TTC28: variants seen among roughly 807,000 people sequenced by gnomAD.
TTC28 encodes tetratricopeptide repeat protein 28.
TTC28 carries 61 observed loss-of-function variants against 198.0 expected under a neutral mutation model. That is an observed-to-expected ratio of 0.31 (90% CI 0.25 to 0.38). The LOEUF is 0.38. TTC28 is among the 10% of genes least tolerant of loss of function. The pLI, the probability that TTC28 is intolerant of heterozygous loss-of-function variation, is 1.00. For missense variants in TTC28, 2,678 were observed against 3,164.0 expected (o/e 0.85, Z 3.69); for synonymous variants, 1,171 against 1,297.8 (o/e 0.90, Z 2.10).
At chr22:28,461,677 C>T (rs1420754027) in intron 2 of TTC28, among the ~76,000 whole-genome samples, 1 of 152,170 alleles carries the variant, frequency 6.6e-6, no homozygotes, top group Non-Finnish European at 1.5e-5. Context: ...AATCTGCCCA[C>T]CTTGGCCTCC....
rs540555841 is a variant in TTC28 at position 27,992,005 on chromosome 22, TCCTGGTGGGCTGGCCCCACA to T, written c.5553+562_5553+581del. Among the ~76,000 whole-genome samples the T allele has an allele frequency of 2.1e-3, 327 of 152,272 alleles. 2 individuals are homozygous for T. The highest frequency in any genetic ancestry group is 7.7e-3 in the African/African-American group (318 of 41,550). Reference sequence around the variant, plus strand: ...AGAAGCGTGGGAACACCTGCAGCCATCCTGGTGGGCTGGCCCCACACCTGGTGGCTTGGGGAGGGTGGCTG... The same window carrying T: ...AGAAGCGTGGGAACACCTGCAGCCATCCTGGTGGCTTGGGGAGGGTGGCTG... On this transcript the variant is annotated intron_variant, in intron 19 of 22. Coordinates refer to ENST00000397906, the MANE Select transcript of TTC28 (RefSeq NM_001145418.2).
At chr22:28,496,597 C>T (rs1307216736) in intron 2 of TTC28, among the ~76,000 whole-genome samples, 1 of 151,978 alleles carries the variant, frequency 6.6e-6, no homozygotes, top group Non-Finnish European at 1.5e-5. Flanking sequence ...TGCTTTTCAC[C>T]AATGCCACTG....
chr22:28,290,440 T>C (rs1178899968), intron 5 of TTC28, among the ~76,000 whole-genome samples: 1 of 151,894 alleles, frequency 6.6e-6, no homozygotes, highest in Non-Finnish European at 1.5e-5. Context: ...GAGGAAAAAA[T>C]AGGAGTGTAA....
chr22:28,308,193 A>C (rs2045183352), intron 2 of TTC28, among the ~76,000 whole-genome samples: 1 of 152,174 alleles, frequency 6.6e-6, no homozygotes, highest in Admixed American at 6.5e-5. Flanking sequence ...ACTTCCCTTC[A>C]CTGGACTCAG....
chr22:28,037,702 C>T (rs960685403), intron 12 of TTC28, among the ~76,000 whole-genome samples: 3 of 152,100 alleles, frequency 2.0e-5, no homozygotes, highest in Admixed American at 2.0e-4. Flanking sequence ...AAAGGGCATT[C>T]AATTAGGAAA....
In TTC28 at chr22:28,341,512, C is replaced by T. The variant is rs933979199; in HGVS notation, c.382-34869G>A. Among the ~76,000 whole-genome samples the T allele has an allele frequency of 9.2e-5, 14 of 152,192 alleles. No individual in the cohort carries two copies. In the East Asian group the frequency reaches 1.2e-3, roughly 13 times the overall value. The stretch of plus-strand genomic sequence containing the variant: ...ACAAAAAATAAAAATAAAAATTAGG[C>T]CAAGTACAGTGGCTCATGCCTCTAT... On this transcript the variant is annotated intron_variant, in intron 2 of 22. Coordinates refer to ENST00000397906, the MANE Select transcript of TTC28 (RefSeq NM_001145418.2).
At chr22:28,326,953 A>G (rs961778120) in intron 2 of TTC28, among the ~76,000 whole-genome samples, 52 of 144,028 alleles carry the variant, frequency 3.6e-4, no homozygotes, top group Admixed American at 8.7e-4. Context: ...GGACATCTCA[A>G]TGAAAAGCAT....
intron 2 of TTC28, among the ~76,000 whole-genome samples, chr22:28,384,743 T>A (rs140201975): frequency 3.3e-4 from 51 of 152,308 alleles, no homozygotes; most frequent in South Asian, 1.7e-3. Context: ...CACTGCTAGG[T>A]CAGCCCCTTA....
chr22:28,066,275 CGTGTGTGTGTGTGTGTGTGTGTGTGTGTG>C (rs1484866714), intron 12 of TTC28, among the ~76,000 whole-genome samples: 3 of 135,602 alleles, frequency 2.2e-5, no homozygotes, highest in African/African-American at 7.7e-5. Flanking sequence ...ACCTAGTTAC[CGTGTGTGTGTGTGTGTGTGTGTGTGTGTG>C]GTGTGTGTGT....
At chr22:28,218,243 T>C (rs1245939436) in intron 5 of TTC28, among the ~76,000 whole-genome samples, 1 of 152,246 alleles carries the variant, frequency 6.6e-6, no homozygotes, top group Non-Finnish European at 1.5e-5. Flanking sequence ...TTTATAACAT[T>C]ATGCATTGGC....
At chr22:28,438,061 G>A (rs959727492) in intron 2 of TTC28, among the ~76,000 whole-genome samples, 1 of 152,126 alleles carries the variant, frequency 6.6e-6, no homozygotes, top group Non-Finnish European at 1.5e-5. Flanking sequence ...GAATGGATTT[G>A]AAGAAAGACT....
At chr22:28,427,823 A>C (rs944434726) in intron 2 of TTC28, among the ~76,000 whole-genome samples, 15 of 152,014 alleles carry the variant, frequency 9.9e-5, no homozygotes, top group Non-Finnish European at 2.1e-4. Context: ...CAGGTAAATT[A>C]AGTCGAATAA....
At chr22:28,111,182 A>G (rs1942470521) in intron 6 of TTC28, among the ~76,000 whole-genome samples, 1 of 151,998 alleles carries the variant, frequency 6.6e-6, no homozygotes, top group Non-Finnish European at 1.5e-5. Flanking sequence ...TTTTTCTATG[A>G]CGAACATATA....
At chr22:28,390,981 A>G (rs1358437276) in intron 2 of TTC28, among the ~76,000 whole-genome samples, 7 of 152,230 alleles carry the variant, frequency 4.6e-5, no homozygotes, top group South Asian at 2.1e-4. Flanking sequence ...GGCTGGTATC[A>G]GTTGTTCCTT....
At chr22:28,500,611 A>G (rs1260603690) in intron 2 of TTC28, among the ~76,000 whole-genome samples, 1 of 152,200 alleles carries the variant, frequency 6.6e-6, no homozygotes, top group Admixed American at 6.5e-5. Flanking sequence ...AATCTTTTGA[A>G]TAACATACAA....
chr22:28,297,667 C>A lies in TTC28; in HGVS notation c.715G>T (p.Ala239Ser), dbSNP rs1942380400. 6.4e-7 allele frequency: 1 copy of A among 1,551,570 alleles called. No homozygotes were observed. Among genetic ancestry groups the A allele is most frequent in the African/African-American group, 1.4e-5 (1 of 73,038 alleles). Residue 239 changes from alanine (A) to serine (S), a missense_variant, in exon 4 of 23, where the codon GCC (alanine) becomes TCC (serine). By Grantham distance (99) the Ala-to-Ser change is moderately conservative (BLOSUM62 1). This residue lies in a region of TTC28 where 36 missense variants were observed against 78.7 expected (regional missense o/e 0.46). Coordinates refer to ENST00000397906, the MANE Select transcript of TTC28 (RefSeq NM_001145418.2). Reference protein sequence around the residue: ...SLKLRGSVFSALSSAYWSLGN... With the variant: ...SLKLRGSVFSSLSSAYWSLGN... ...AGAGACCAGTAAGCACTGCTCAGGG[C>A]AGAGAAAACAGAACCTCTCAGTTTG...
chr22:28,267,311 G>A (rs1350270633), intron 5 of TTC28, among the ~76,000 whole-genome samples: 2 of 152,182 alleles, frequency 1.3e-5, no homozygotes, highest in Admixed American at 6.5e-5. Flanking sequence ...TTCCTGGCAA[G>A]GTTTCTCCAG....
intron 2 of TTC28, among the ~76,000 whole-genome samples, chr22:28,528,947 G>T (rs1301709724): frequency 1.3e-5 from 2 of 152,078 alleles, no homozygotes; most frequent in African/African-American, 2.4e-5. Context: ...AGAATGGGGA[G>T]GTTCCAAGAT....
chr22:28,246,548 AG>A (rs1313278228), intron 5 of TTC28, among the ~76,000 whole-genome samples: 1 of 152,188 alleles, frequency 6.6e-6, no homozygotes, highest in Non-Finnish European at 1.5e-5. Flanking sequence ...AATAGACCCT[AG>A]CATAGCTGCA....
Sources: gnomAD v4.1 joint callset for allele counts (sites outside exome capture counted in the v4.1 genomes callset) on GRCh38, gnomAD v4.1.1 for gene constraint, gnomAD v4.1.1 regional missense constraint, MANE v1.5 for transcripts, NCBI Gene and HGNC (gene_info 2026-07-23, HGNC 2026-07-21) for gene names.